The following GABRG3 variants were observed in gnomAD, a reference collection of about 807,000 sequenced individuals.
The protein encoded by GABRG3 is gamma-aminobutyric acid type A receptor subunit gamma3.
GABRG3 carries 25 observed loss-of-function variants against 48.8 expected under a neutral mutation model. The observed-to-expected ratio is 0.51, with a 90% CI of 0.37 to 0.72. The LOEUF is 0.72. Among genes scored for constraint, GABRG3 ranks in the 30% least tolerant of loss-of-function variants. The pLI, the probability that GABRG3 is intolerant of heterozygous loss-of-function variation, is 0.00. For synonymous variants in GABRG3, 227 were observed against 217.6 expected (o/e 1.04, Z -0.38); for missense variants, 394 against 577.9 (o/e 0.68, Z 3.26).
intron 5 of GABRG3, among the ~76,000 whole-genome samples, chr15:27,438,165 T>A (rs1341469138): frequency 1.3e-5 from 2 of 152,270 alleles, no homozygotes; most frequent in East Asian, 3.9e-4. Flanking sequence ...ATGAACAGGA[T>A]TTCTGTACGC....
chr15:27,451,743 A>G (rs562328766), intron 5 of GABRG3, among the ~76,000 whole-genome samples: 3 of 152,298 alleles, frequency 2.0e-5, no homozygotes, highest in Non-Finnish European at 4.4e-5. Flanking sequence ...ACAAAGTCAA[A>G]GAAAATCTAT....
chr15:27,308,991 AAC>A (rs918988524), intron 3 of GABRG3, among the ~76,000 whole-genome samples: 9 of 150,888 alleles, frequency 6.0e-5, no homozygotes, highest in African/African-American at 1.7e-4. Flanking sequence ...TTTATATGAA[AAC>A]ACATATAATG....
intron 3 of GABRG3, among the ~76,000 whole-genome samples, chr15:27,133,493 G>A (rs1053668100): frequency 5.9e-5 from 9 of 152,068 alleles, no homozygotes; most frequent in Non-Finnish European, 1.3e-4. Flanking sequence ...GATTACTTAT[G>A]GCTCAATCCT....
chr15:27,314,750 G>A (rs1893153750), intron 3 of GABRG3, among the ~76,000 whole-genome samples: 2 of 152,186 alleles, frequency 1.3e-5, no homozygotes, highest in Non-Finnish European at 1.5e-5. Context: ...TCTGCACTAT[G>A]TGACAACACA....
intron 5 of GABRG3, among the ~76,000 whole-genome samples, chr15:27,445,060 A>G (rs1216947241): frequency 6.6e-6 from 1 of 151,982 alleles, no homozygotes; most frequent in Non-Finnish European, 1.5e-5. Flanking sequence ...TTTAGTAGAG[A>G]TGAGGTTTTG....
At chr15:27,327,802 C>CA (rs1893667534) in intron 4 of GABRG3, among the ~76,000 whole-genome samples, 1 of 152,116 alleles carries the variant, frequency 6.6e-6, no homozygotes, top group African/African-American at 2.4e-5. Flanking sequence ...CCCCGGGGCA[C>CA]AGGGCTCCTT....
intron 5 of GABRG3, among the ~76,000 whole-genome samples, chr15:27,465,420 C>T (rs556229393): frequency 6.6e-6 from 1 of 152,324 alleles, no homozygotes; most frequent in African/African-American, 2.4e-5. Context: ...ATTGGAAAAC[C>T]TTTCCTTTGT....
chr15:27,347,531 G>A (rs1894416023), intron 5 of GABRG3, among the ~76,000 whole-genome samples: 1 of 152,190 alleles, frequency 6.6e-6, no homozygotes, highest in Non-Finnish European at 1.5e-5. Flanking sequence ...GAGGGATAAG[G>A]CTCTGGTAAG....
At chr15:27,200,150 T>A (rs1888634701) in intron 3 of GABRG3, among the ~76,000 whole-genome samples, 8 of 152,236 alleles carry the variant, frequency 5.3e-5, no homozygotes, top group Admixed American at 5.2e-4. Flanking sequence ...GTTTACCAGC[T>A]GCTCTGTGGC....
At chr15:27,233,266 AAC>A (rs1285983606) in intron 3 of GABRG3, among the ~76,000 whole-genome samples, 1 of 152,148 alleles carries the variant, frequency 6.6e-6, no homozygotes, top group Non-Finnish European at 1.5e-5. Context: ...TATTTCGTGG[AAC>A]CTTTCTAGCG....
chr15:27,159,561 T>C (rs1430959812), intron 3 of GABRG3, among the ~76,000 whole-genome samples: 1 of 152,134 alleles, frequency 6.6e-6, no homozygotes, highest in African/African-American at 2.4e-5. Flanking sequence ...TCTTCTCTTA[T>C]TTTCCATCAT....
chr15:27,248,253 A>G (rs901296051), intron 3 of GABRG3, among the ~76,000 whole-genome samples: 2 of 152,210 alleles, frequency 1.3e-5, no homozygotes, highest in Non-Finnish European at 2.9e-5. Flanking sequence ...TGCTTTCAAA[A>G]GGACCTCGCG....
intron 3 of GABRG3, among the ~76,000 whole-genome samples, chr15:27,220,776 C>G (rs1184426694): frequency 6.6e-6 from 1 of 152,130 alleles, no homozygotes; most frequent in Non-Finnish European, 1.5e-5. Context: ...TGGAATTTCC[C>G]TGGAAGGGAC....
chr15:27,248,825 G>C (rs1433879746), intron 3 of GABRG3, among the ~76,000 whole-genome samples: 4 of 146,024 alleles, frequency 2.7e-5, no homozygotes, highest in African/African-American at 5.1e-5. Context: ...GAGAGAGAGA[G>C]AGAGAGAGAG....
At position 27,513,568 on chromosome 15, in the gene GABRG3, A is replaced by G. The variant is rs528025732; in HGVS notation, c.713-6404A>G. Among the ~76,000 whole-genome samples the G allele has an allele frequency of 1.4e-4, 21 of 152,342 alleles. No individual in the cohort carries two copies. The South Asian group carries it at 4.3e-3, about 32-fold the overall frequency. On this transcript the variant is annotated intron_variant, in intron 6 of 9. Transcript: ENST00000615808. ...TTTAGTAATACCGAGGAATGCACTC[A>G]GTGAATAGTAAGAAAAAAATGATAG...
At chr15:27,388,275 GTAAGGAAGGAAGGAAGAAAAGAAGGA>G (rs1566818273) in intron 5 of GABRG3, among the ~76,000 whole-genome samples, 1 of 47,720 alleles carries the variant, frequency 2.1e-5, no homozygotes, top group East Asian at 1.1e-3. Context: ...GGGAGGGAGG[GTAAGGAAGGAAGGAAGAAAAGAAGGA>G]AGGAAAGGGA....
At chr15:27,443,165 A>T (rs1250404256) in intron 5 of GABRG3, among the ~76,000 whole-genome samples, 2 of 152,220 alleles carry the variant, frequency 1.3e-5, no homozygotes, top group Non-Finnish European at 2.9e-5. Context: ...TGTCCTTTTA[A>T]GAGATTAGGA....
chr15:27,459,528 C>T (rs1408003905), intron 5 of GABRG3, among the ~76,000 whole-genome samples: 3 of 152,152 alleles, frequency 2.0e-5, no homozygotes, highest in African/African-American at 7.2e-5. Flanking sequence ...ATTAAGTGTT[C>T]TTACTGCAGT....
chr15:27,399,001 C>T (rs1475360167), intron 5 of GABRG3, among the ~76,000 whole-genome samples: 1 of 152,014 alleles, frequency 6.6e-6, no homozygotes, highest in Non-Finnish European at 1.5e-5. Context: ...TTGAAGCTTC[C>T]CACCGTCAGA....
Sources: gnomAD v4.1 joint callset for allele counts (sites outside exome capture counted in the v4.1 genomes callset) on GRCh38, gnomAD v4.1.1 for gene constraint, MANE v1.5 for transcripts, NCBI Gene and HGNC (gene_info 2026-07-23, HGNC 2026-07-21) for gene names.